VPS37B: variants seen among roughly 807,000 people sequenced by gnomAD.
The protein encoded by VPS37B is VPS37B subunit of ESCRT-I, also known as vacuolar protein sorting-associated protein 37B.
In VPS37B, 11 loss-of-function variants were observed where a neutral mutation model predicts 21.2. The ratio of observed to expected loss-of-function variants is 0.52; its 90% CI spans 0.33 to 0.86. VPS37B has a LOEUF of 0.86. VPS37B is among the 40% of genes least tolerant of loss of function. The pLI is 0.03. For missense variants in VPS37B, 389 were observed against 374.8 expected (o/e 1.04, Z -0.31); for synonymous variants, 175 against 159.6 (o/e 1.10, Z -0.73).
chr12:122,893,018 A>C (rs2034438775), intron 1 of VPS37B, among the ~76,000 whole-genome samples: 1 of 151,338 alleles, frequency 6.6e-6, no homozygotes, highest in African/African-American at 2.4e-5. Flanking sequence ...CTGAGATTGT[A>C]CTACTGCACT....
intron 1 of VPS37B, chr12:122,876,750 T>C (rs1351159814): frequency 6.7e-6 from 1 of 150,350 alleles, no homozygotes; most frequent in Non-Finnish European, 1.5e-5. Context: ...CTATCTCAAA[T>C]GCACATGTCA....
chr12:122,894,293 C>T (rs1432942495), intron 1 of VPS37B, among the ~76,000 whole-genome samples: 1 of 152,066 alleles, frequency 6.6e-6, no homozygotes, highest in Non-Finnish European at 1.5e-5. Context: ...AGACCATAAA[C>T]GGGGTACACT....
At chr12:122,885,583 T>C (rs1038272358) in intron 1 of VPS37B, 2 of 152,122 alleles carry the variant, frequency 1.3e-5, no homozygotes, top group South Asian at 2.1e-4. Context: ...TAACAGTGTT[T>C]ATCTCTGGGT....
chr12:122,891,513 C>G (rs774807832), intron 1 of VPS37B, among the ~76,000 whole-genome samples: 1 of 152,162 alleles, frequency 6.6e-6, no homozygotes, highest in Non-Finnish European at 1.5e-5. Flanking sequence ...TGACATACAA[C>G]TGAATTTCAG....
chr12:122,869,125 G>A (rs1428728653), intron 2 of VPS37B, among the ~76,000 whole-genome samples: 7 of 152,278 alleles, frequency 4.6e-5, no homozygotes, highest in South Asian at 4.1e-4. Flanking sequence ...GAATCAGTTC[G>A]TTTCTTTCCA....
chr12:122,877,515 G>A (rs548202141), intron 1 of VPS37B: 1 of 152,290 alleles, frequency 6.6e-6, no homozygotes, highest in East Asian at 1.9e-4. Flanking sequence ...CCAAAGTGCT[G>A]GGATTACAGG....
intron 1 of VPS37B, among the ~76,000 whole-genome samples, chr12:122,891,353 C>T (rs1435295385): frequency 1.3e-5 from 2 of 152,218 alleles, no homozygotes; most frequent in African/African-American, 4.8e-5. Flanking sequence ...TCTGTTGTGA[C>T]ATTTAGCCTT....
chr12:122,888,853 C>G, intron 1 of VPS37B: 1 of 298,872 alleles, frequency 3.3e-6, no homozygotes, highest in South Asian at 2.8e-5. Context: ...GAATTTCTGT[C>G]TCCAAGCAGA....
At chr12:122,877,304 G>A (rs1222777177) in intron 1 of VPS37B, 4 of 152,140 alleles carry the variant, frequency 2.6e-5, no homozygotes, top group African/African-American at 7.2e-5. Flanking sequence ...AAATATGCCC[G>A]CACCTACAGC....
At chr12:122,871,406 T>TTTAGAATC in intron 1 of VPS37B, 2 of 1,023,512 alleles carry the variant, frequency 2.0e-6, no homozygotes, top group Non-Finnish European at 1.2e-6. Context: ...GCTGTAAAGA[T>TTTAGAATC]TTAGAATCTG....
chr12:122,871,956 C>G lies in VPS37B; in HGVS notation c.112-895G>C, dbSNP rs527620299. ...CCGCCACCTCACTTTCCTTCCACAC[C>G]GTCAGTTTCAACAGCATGCGATTCC... On this transcript the variant is annotated intron_variant, in intron 1 of 3. Coordinates refer to ENST00000267202, the MANE Select transcript of VPS37B (RefSeq NM_024667.3). 4.1e-6 allele frequency: 4 copies of G among 985,464 alleles called. No homozygotes were observed. In the South Asian group the frequency reaches 1.9e-4, roughly 46 times the overall value. The allele number at this position is 985,464 out of a possible 1,614,324, so 61.0% of individuals were successfully genotyped here. A position where few individuals can be genotyped will look rare whatever the true frequency, so the allele number is the denominator to read the frequency against.
rs558183722 is a variant in VPS37B at position 122,866,810 on chromosome 12, T to G, written c.*306A>C. 11 of 336,896 alleles carry G rather than the reference T, an allele frequency of 3.3e-5. No individual in the cohort carries two copies. Among genetic ancestry groups the G allele is most frequent in the Non-Finnish European group, 5.4e-5 (10 of 186,688 alleles). The allele number at this position is 336,896 out of a possible 1,614,324, so 20.9% of individuals were successfully genotyped here. On this transcript the variant is annotated 3_prime_UTR_variant, in exon 4 of 4. Coordinates refer to ENST00000267202, the MANE Select transcript of VPS37B (RefSeq NM_024667.3). ...GAAGGACCACGATTCTAAATGGGAC[T>G]GGGGGAGAGGCCTATTTCTTCCCAA...
In VPS37B at chr12:122,867,355, T is replaced by A. The variant is rs766610098; in HGVS notation, c.619A>T (p.Ile207Phe). Residue 207 changes from isoleucine to phenylalanine, a missense_variant, in exon 4 of 4, where the codon ATC becomes TTC. Ile to Phe is a conservative substitution (Grantham distance 21). Transcript: ENST00000267202. The surrounding 1 kb of genome is among the most constrained non-coding windows in gnomAD (Gnocchi z 5.5). ...SGPPAVAPRR[I>F]PPPPPPVPAG... Reference sequence around the variant, plus strand: ...GGCACCGGGGGTGGTGGGGGGGGGATGCGCCGAGGTGCAACGGCAGGAGGC... The same window carrying A: ...GGCACCGGGGGTGGTGGGGGGGGGAAGCGCCGAGGTGCAACGGCAGGAGGC... 3.6e-5 allele frequency: 49 copies of A among 1,372,104 alleles called. No homozygotes were observed. Among genetic ancestry groups the A allele is most frequent in the Non-Finnish European group, 4.6e-5 (48 of 1,040,452 alleles). 85.0% of individuals were successfully genotyped at this position (1,372,104 alleles called of 1,614,324 possible).
At chr12:122,895,009 C>G (rs1485200251) in intron 1 of VPS37B, among the ~76,000 whole-genome samples, 2 of 152,112 alleles carry the variant, frequency 1.3e-5, no homozygotes, top group Non-Finnish European at 2.9e-5. Flanking sequence ...AGGGGGCAAC[C>G]CTTACAGAAA....
At position 122,896,102 on chromosome 12, in the gene VPS37B, A is replaced by C. The variant is rs772565184; in HGVS notation, c.-40T>G. The C allele has an allele frequency of 1.2e-5, 18 of 1,512,306 alleles. No homozygotes were observed. The African/African-American group carries it at 2.5e-4, about 21-fold the overall frequency. 93.7% of individuals were successfully genotyped at this position (1,512,306 alleles called of 1,614,324 possible). On this transcript the variant is annotated 5_prime_UTR_variant, in exon 1 of 4. Transcript: ENST00000267202. Reference sequence around the variant, plus strand: ...CGTCGTCGCCACCGCCGCTGCGGCCACCAGGCTCCGCCGACCGGAAGCGCC... The same window carrying C: ...CGTCGTCGCCACCGCCGCTGCGGCCCCCAGGCTCCGCCGACCGGAAGCGCC...
chr12:122,872,568 G>A (rs1255235926), intron 1 of VPS37B: 2 of 985,436 alleles, frequency 2.0e-6, no homozygotes, highest in Non-Finnish European at 2.4e-6. Flanking sequence ...TTTCTGGTAA[G>A]CAGTGGGGCT....
At chr12:122,880,568 C>T (rs1357906336) in intron 1 of VPS37B, 4 of 152,080 alleles carry the variant, frequency 2.6e-5, no homozygotes, top group Admixed American at 6.5e-5. Context: ...CAGTAGCTCA[C>T]GCCTGTCATT....
At position 122,896,046 on chromosome 12, in the gene VPS37B, C is replaced by G. The variant is rs767941215; in HGVS notation, c.17G>C (p.Ser6Thr). Residue 6 changes from serine (S) to threonine (T), a missense_variant, in exon 1 of 4, where the codon AGC (serine) becomes ACC (threonine). Transcript: ENST00000267202. The part of the protein sequence containing the change: MAGAG[S>T]EARFAGLSLV... ...CGACAGCCCGGCGAACCGGGCTTCGCTCCCGGCGCCCGCCATCCCCACGTC... is the reference window on the plus strand; with the variant it reads ...CGACAGCCCGGCGAACCGGGCTTCGGTCCCGGCGCCCGCCATCCCCACGTC... 1 of 1,584,186 alleles carries G rather than the reference C, an allele frequency of 6.3e-7. No homozygotes were observed. The highest frequency in any genetic ancestry group is 2.4e-5 in the East Asian group (1 of 41,234).
chr12:122,868,620 T>C lies in VPS37B; in HGVS notation c.284-58A>G. On this transcript the variant is annotated intron_variant, in intron 2 of 3. Transcript: ENST00000267202. This position sits in a 1 kb window ranked among gnomAD's most constrained non-coding sequence, Gnocchi z 5.5. Reference sequence around the variant, plus strand: ...AGAGGTGTCCAGGTAAAGCCCTTCATGATGCCAACCACGGCAGGATTGCAC... The same window carrying C: ...AGAGGTGTCCAGGTAAAGCCCTTCACGATGCCAACCACGGCAGGATTGCAC... 2.0e-6 allele frequency: 3 copies of C among 1,463,930 alleles called. No individual in the cohort carries two copies. In the South Asian group the frequency reaches 3.5e-5, roughly 17 times the overall value. 90.7% of individuals were successfully genotyped at this position (1,463,930 alleles called of 1,614,324 possible). A position where few individuals can be genotyped will look rare whatever the true frequency, so the allele number is the denominator to read the frequency against.
Sources: gnomAD v4.1 joint callset for allele counts (sites outside exome capture counted in the v4.1 genomes callset) on GRCh38, gnomAD v4.1.1 for gene constraint, Gnocchi (gnomAD v3.1) non-coding constraint, MANE v1.5 for transcripts, NCBI Gene and HGNC (gene_info 2026-07-23, HGNC 2026-07-21) for gene names.